Variants in ABCA13 observed in about 807,000 individuals in gnomAD.
ABCA13 encodes the protein ATP binding cassette subfamily A member 13.
Under a neutral mutation model 478.7 loss-of-function variants are expected in ABCA13, and 476 were observed. The ratio of observed to expected loss-of-function variants is 0.99; its 90% CI spans 0.92 to 1.07. The LOEUF is 1.07. Ranked by LOEUF, ABCA13 falls within the 50% of genes least tolerant of loss-of-function variation. ABCA13 has a pLI of 0.00. For missense variants in ABCA13, 6,060 were observed against 5,910.6 expected (o/e 1.03, Z -0.83); for synonymous variants, 2,252 against 2,158.9 (o/e 1.04, Z -1.20).
At chr7:48,624,580 G>C (rs1793485980) in intron 59 of ABCA13, among the ~76,000 whole-genome samples, 1 of 147,402 alleles carries the variant, frequency 6.8e-6, no homozygotes, top group Admixed American at 6.8e-5. Flanking sequence ...ACAGAGTTTT[G>C]CTCTTGTTGC....
At chr7:48,617,563 A>AG (rs935685967) in intron 59 of ABCA13, among the ~76,000 whole-genome samples, 2 of 152,008 alleles carry the variant, frequency 1.3e-5, no homozygotes, top group Non-Finnish European at 2.9e-5. Context: ...AATCCCACAG[A>AG]GGGGGGACCC....
At chr7:48,490,269 C>T (rs549532959) in intron 48 of ABCA13, among the ~76,000 whole-genome samples, 1 of 152,306 alleles carries the variant, frequency 6.6e-6, no homozygotes, top group African/African-American at 2.4e-5. Flanking sequence ...AGCAGAATAA[C>T]ATTTCTAACA....
At chr7:48,326,845 A>G (rs1455192546) in intron 27 of ABCA13, among the ~76,000 whole-genome samples, 2 of 152,176 alleles carry the variant, frequency 1.3e-5, no homozygotes, top group Non-Finnish European at 2.9e-5. Context: ...ACTGCTTCCT[A>G]TGGAAGGAGC....
At chr7:48,525,778 C>A (rs1832853876) in intron 54 of ABCA13, among the ~76,000 whole-genome samples, 1 of 144,978 alleles carries the variant, frequency 6.9e-6, no homozygotes, top group African/African-American at 2.5e-5. Context: ...GCAGAATGTG[C>A]AGGTTTGTTA....
At chr7:48,284,621 A>C (rs1797479054) in intron 19 of ABCA13, among the ~76,000 whole-genome samples, 1 of 152,250 alleles carries the variant, frequency 6.6e-6, no homozygotes, top group African/African-American at 2.4e-5. Context: ...TGAATTAAAC[A>C]TTCATTAATG....
intron 19 of ABCA13, among the ~76,000 whole-genome samples, chr7:48,285,408 C>T (rs1191132937): frequency 6.6e-6 from 1 of 152,200 alleles, no homozygotes; most frequent in Non-Finnish European, 1.5e-5. Flanking sequence ...TTGGAGGAGT[C>T]AAGGCTCAAA....
At chr7:48,389,341 GT>G in intron 37 of ABCA13, 121 bp downstream of exon 37, 1 of 1,143,140 alleles carries the variant, frequency 8.7e-7, no homozygotes, top group Non-Finnish European at 1.2e-6. Context: ...TCAATACAGA[GT>G]TTAGAGACAC....
At chr7:48,477,379 C>A (rs1406379220) in intron 45 of ABCA13, among the ~76,000 whole-genome samples, 4 of 152,064 alleles carry the variant, frequency 2.6e-5, no homozygotes, top group African/African-American at 4.8e-5. Flanking sequence ...AGCCAGCCAT[C>A]CCATTACTAG....
chr7:48,460,801 A>G (rs1231720880), intron 43 of ABCA13, among the ~76,000 whole-genome samples: 1 of 152,228 alleles, frequency 6.6e-6, no homozygotes, highest in Non-Finnish European at 1.5e-5. Flanking sequence ...AATTAAATTA[A>G]CTGAAGACTG....
chr7:48,230,049 G>A, intron 7 of ABCA13, 94 bp downstream of exon 7: 2 of 1,342,616 alleles, frequency 1.5e-6, no homozygotes, highest in South Asian at 1.8e-5. Context: ...TGTTCAAAAT[G>A]ATTTAATTAA....
rs1459472055 is a variant in ABCA13 at position 48,455,167 on chromosome 7, G to T, written c.12696G>T (p.Leu4232=). 1.9e-6 allele frequency: 3 copies of T among 1,586,132 alleles called. No individual in the cohort carries two copies. Among genetic ancestry groups the T allele is most frequent in the East Asian group, 4.6e-5 (2 of 43,192 alleles). The change falls in exon 43 of 62, where the codon CTG becomes CTT. Residue 4232 remains leucine (L), a synonymous_variant. Coordinates refer to ENST00000435803, the MANE Select transcript of ABCA13 (RefSeq NM_152701.5). ...AGAGCACCCTCGCCGACCTGCTGCTGCCAGTCCTCTTCGTGGCCTTGGCCA... is the reference window on the plus strand; with the variant it reads ...AGAGCACCCTCGCCGACCTGCTGCTTCCAGTCCTCTTCGTGGCCTTGGCCA... ...AGKSTLADLL[L]PVLFVALAMG...
At chr7:48,534,651 G>A (rs577235112) in intron 55 of ABCA13, among the ~76,000 whole-genome samples, 2 of 152,220 alleles carry the variant, frequency 1.3e-5, no homozygotes, top group Admixed American at 6.5e-5. Flanking sequence ...ATTAGTCTTA[G>A]GTTTAGATGC....
At position 48,276,252 on chromosome 7, in the gene ABCA13, A is replaced by C; in HGVS notation, c.6586A>C (p.Thr2196Pro). Residue 2196 changes from threonine to proline, a missense_variant, in exon 17 of 62, where the codon ACT (threonine) becomes CCT (proline). Physicochemically the swap from Thr to Pro is conservative, Grantham distance 38. This residue lies in a region of ABCA13 where 4,423 missense variants were observed against 4,309.1 expected (regional missense o/e 1.03). Coordinates refer to ENST00000435803, the MANE Select transcript of ABCA13 (RefSeq NM_152701.5). Reference protein sequence around the residue: ...LTHLLNQEQLTNFSVVQLLFE... With the variant: ...LTHLLNQEQLPNFSVVQLLFE... ...CCATCTGCTAAATCAAGAACAGCTG[A>C]CTAATTTCTCAGTTGTTCAGCTGCT... 3 of 1,572,876 alleles carry C rather than the reference A, an allele frequency of 1.9e-6. No homozygotes were observed. The highest frequency in any genetic ancestry group is 2.6e-6 in the Non-Finnish European group (3 of 1,157,654).
chr7:48,413,019 G>A lies in ABCA13; in HGVS notation c.12459+436G>A, dbSNP rs906004701. ...GTAGAGATGGGGTTTCACCATGTTA[G>A]CCAGGATGGTCTCGATCCCCTGACC... On this transcript the variant is annotated intron_variant, in intron 41 of 61. Transcript: ENST00000435803. 4.0e-5 allele frequency among the ~76,000 whole-genome samples: 6 copies of A among 151,792 alleles called. No individual in the cohort carries two copies. The South Asian group carries it at 6.3e-4, about 16-fold the overall frequency.
chr7:48,444,141 T>C (rs1823979725), intron 42 of ABCA13, among the ~76,000 whole-genome samples: 1 of 152,218 alleles, frequency 6.6e-6, no homozygotes, highest in Non-Finnish European at 1.5e-5. Context: ...TGCCTCCCCC[T>C]GTCCTGAATC....
intron 35 of ABCA13, among the ~76,000 whole-genome samples, chr7:48,386,865 C>T (rs1815270832): frequency 6.6e-6 from 1 of 152,104 alleles, no homozygotes; most frequent in South Asian, 2.1e-4. Context: ...GCAATTGCAA[C>T]AAAAGCAAAA....
At chr7:48,202,935 C>A (rs1020402530) in intron 3 of ABCA13, among the ~76,000 whole-genome samples, 3 of 152,194 alleles carry the variant, frequency 2.0e-5, no homozygotes, top group Admixed American at 2.0e-4. Context: ...CTTGGGCGGT[C>A]GATGGGACTG....
At chr7:48,309,169 T>C (rs1256661907) in intron 23 of ABCA13, among the ~76,000 whole-genome samples, 1 of 151,920 alleles carries the variant, frequency 6.6e-6, no homozygotes, top group Non-Finnish European at 1.5e-5. Context: ...TTCTCCGTGC[T>C]CTTCTTCAGA....
At chr7:48,639,805 C>T (rs959463236) in intron 59 of ABCA13, among the ~76,000 whole-genome samples, 1 of 152,064 alleles carries the variant, frequency 6.6e-6, no homozygotes, top group African/African-American at 2.4e-5. Context: ...TTTTTAGAGG[C>T]AATGTGACAA....
Sources: allele counts gnomAD v4.1 joint callset (sites outside exome capture counted in the v4.1 genomes callset), GRCh38; gene constraint gnomAD v4.1.1; regional missense constraint gnomAD v4.1.1; transcripts MANE v1.5; gene names NCBI Gene and HGNC (gene_info 2026-07-23, HGNC 2026-07-21).